The following CSTPP1 variants were observed in gnomAD, a reference collection of about 807,000 sequenced individuals.
The protein encoded by CSTPP1 is centriolar satellite-associated tubulin polyglutamylase complex regulator 1.
At chr11:47,044,102 T>C in the CSTPP1 span, among the ~76,000 whole-genome samples, 4 of 152,094 alleles carry the variant, frequency 2.6e-5, no homozygotes, top group Non-Finnish European at 4.4e-5. Context: ...TTCTCCTGCC[T>C]CAGCCTCCCA....
chr11:47,042,357 T>G, the CSTPP1 span, among the ~76,000 whole-genome samples: 1 of 151,552 alleles, frequency 6.6e-6, no homozygotes, highest in Non-Finnish European at 1.5e-5. Flanking sequence ...TTTTTTTTTT[T>G]TTTTGAAATA....
chr11:47,003,318 C>T, the CSTPP1 span, among the ~76,000 whole-genome samples: 1 of 152,204 alleles, frequency 6.6e-6, no homozygotes, highest in African/African-American at 2.4e-5. Context: ...AATTTGGCAC[C>T]TTTAACCAGA....
At chr11:46,968,588 C>A in the CSTPP1 span, among the ~76,000 whole-genome samples, 1 of 151,184 alleles carries the variant, frequency 6.6e-6, no homozygotes, top group Non-Finnish European at 1.5e-5. Flanking sequence ...ATCTTGATCA[C>A]CCCCCCGAAC....
At chr11:46,963,106 A>AT in the CSTPP1 span, among the ~76,000 whole-genome samples, 80 of 150,340 alleles carry the variant, frequency 5.3e-4, no homozygotes, top group African/African-American at 1.4e-3. Context: ...GGATGCTTTT[A>AT]TTTTTTTTTT....
chr11:47,131,974 TA>T, the CSTPP1 span, among the ~76,000 whole-genome samples: 275 of 141,492 alleles, frequency 1.9e-3, no homozygotes, highest in Non-Finnish European at 1.7e-3. Context: ...GAGACTCTGT[TA>T]AAAAAAAAAA....
chr11:47,045,789 T>C, the CSTPP1 span, among the ~76,000 whole-genome samples: 1 of 152,078 alleles, frequency 6.6e-6, no homozygotes, highest in Admixed American at 6.6e-5. Context: ...TTCTTTTTTC[T>C]CTTTTTTTTC....
At chr11:46,970,394 TATA>T in the CSTPP1 span, among the ~76,000 whole-genome samples, 2 of 150,430 alleles carry the variant, frequency 1.3e-5, no homozygotes, top group African/African-American at 2.4e-5. Flanking sequence ...CCTAAAACTT[TATA>T]ATAATAATAA....
chr11:47,084,553 A>AT, the CSTPP1 span, among the ~76,000 whole-genome samples: 135 of 152,208 alleles, frequency 8.9e-4, no homozygotes, highest in African/African-American at 3.2e-3. Flanking sequence ...ATCCTGAATT[A>AT]TTTTTTGTTG....
chr11:47,085,306 G>A, the CSTPP1 span, among the ~76,000 whole-genome samples: 1 of 152,120 alleles, frequency 6.6e-6, no homozygotes, highest in African/African-American at 2.4e-5. Flanking sequence ...ACTAGGAATT[G>A]TGACACAATA....
the CSTPP1 span, among the ~76,000 whole-genome samples, chr11:47,151,221 G>C: frequency 6.6e-6 from 1 of 152,152 alleles, no homozygotes; most frequent in Non-Finnish European, 1.5e-5. Flanking sequence ...AGACCATCCT[G>C]GCCAACATGG....
the CSTPP1 span, among the ~76,000 whole-genome samples, chr11:47,083,153 C>A: frequency 6.6e-6 from 1 of 152,036 alleles, no homozygotes; most frequent in Admixed American, 6.6e-5. Context: ...TCTGTTCCTG[C>A]GTTAGTTTGC....
At chr11:47,077,383 T>A in the CSTPP1 span, among the ~76,000 whole-genome samples, 1 of 152,012 alleles carries the variant, frequency 6.6e-6, no homozygotes, top group African/African-American at 2.4e-5. Flanking sequence ...GTATTTTTAG[T>A]AGAGACGGGT....
the CSTPP1 span, among the ~76,000 whole-genome samples, chr11:47,016,916 C>T: frequency 7.1e-6 from 1 of 139,924 alleles, no homozygotes. Context: ...AATCTCGGCT[C>T]ACTGCAGGCT....
chr11:46,992,250 T>A, the CSTPP1 span, among the ~76,000 whole-genome samples: 1 of 152,026 alleles, frequency 6.6e-6, no homozygotes, highest in Non-Finnish European at 1.5e-5. Context: ...TTATTATTTT[T>A]TATTATACTT....
At chr11:47,144,955 C>T in the CSTPP1 span, among the ~76,000 whole-genome samples, 1 of 149,896 alleles carries the variant, frequency 6.7e-6, no homozygotes, top group Non-Finnish European at 1.5e-5. Context: ...ACGTTGAGAA[C>T]CACTGATTTA....
At chr11:46,972,919 T>A in the CSTPP1 span, among the ~76,000 whole-genome samples, 3 of 152,212 alleles carry the variant, frequency 2.0e-5, no homozygotes, top group African/African-American at 7.2e-5. Flanking sequence ...ATTCTGTGAT[T>A]CAGTGGAAAA....
At chr11:46,948,732 T>C in the CSTPP1 span, among the ~76,000 whole-genome samples, 1 of 152,206 alleles carries the variant, frequency 6.6e-6, no homozygotes, top group Admixed American at 6.5e-5. Context: ...ATTTAGCCCT[T>C]GGGCACCTAG....
At chr11:46,949,962 C>T in the CSTPP1 span, among the ~76,000 whole-genome samples, 4 of 152,076 alleles carry the variant, frequency 2.6e-5, no homozygotes, top group African/African-American at 7.2e-5. Flanking sequence ...CATGAGCCAC[C>T]GTGCCCGGCC....
chr11:47,158,106 A>G, the CSTPP1 span: 2 of 594,004 alleles, frequency 3.4e-6, no homozygotes, highest in East Asian at 5.9e-5. Flanking sequence ...ACACATTCCC[A>G]TGGTAGGGGA....
Sources: allele counts gnomAD v4.1 joint callset (sites outside exome capture counted in the v4.1 genomes callset), GRCh38; gene constraint gnomAD v4.1.1; transcripts MANE v1.5; gene names NCBI Gene and HGNC (gene_info 2026-07-23, HGNC 2026-07-21).